RFX4: variants seen among roughly 807,000 people sequenced by gnomAD.
RFX4 encodes the protein regulatory factor X4, also known as transcription factor RFX4.
RFX4 carries 10 observed loss-of-function variants against 95.0 expected under a neutral mutation model. The ratio of observed to expected loss-of-function variants is 0.11; its 90% confidence interval spans 0.06 to 0.18. The LOEUF (loss-of-function observed/expected upper bound fraction) is 0.18, where lower values mean the gene tolerates loss of function less well. RFX4 is among the 10% of genes least tolerant of loss of function. The pLI is 1.00. For missense variants in RFX4, 640 were observed against 922.0 expected (o/e 0.69, Z 3.96); for synonymous variants, 321 against 340.7 (o/e 0.94, Z 0.64).
chr12:106,750,769 C>G lies in RFX4; in HGVS notation c.1911C>G (p.Ala637=). The change falls in exon 17 of 18, where the codon GCC becomes GCG. Residue 637 remains alanine (A), a synonymous_variant. Transcript: ENST00000392842. The part of the protein sequence containing the change: ...DTAISGPLHY[A]PYHRSSAQYP... ...CTATCTCTGGGCCACTCCACTATGC[C>G]CCTTACCACAGGAGCTCTGCACAGG... The G allele has an allele frequency of 1.2e-6, 2 of 1,605,044 alleles. No individual in the cohort carries two copies. The highest frequency in any genetic ancestry group is 1.7e-6 in the Non-Finnish European group (2 of 1,176,976).
intron 2 of RFX4, among the ~76,000 whole-genome samples, chr12:106,616,556 A>T (rs1303319282): frequency 1.3e-5 from 2 of 152,134 alleles, no homozygotes; most frequent in East Asian, 3.8e-4. Context: ...TTATTTCTTA[A>T]TTGTTTGGAA....
At chr12:106,601,049 T>C in intron 1 of RFX4, 1 of 1,112,770 alleles carries the variant, frequency 9.0e-7, no homozygotes, top group Non-Finnish European at 1.2e-6. Context: ...TCTAAATCAA[T>C]ATTTGGTAAA....
chr12:106,700,946 T>G (rs1415548381), intron 8 of RFX4, among the ~76,000 whole-genome samples: 3 of 152,222 alleles, frequency 2.0e-5, no homozygotes, highest in Non-Finnish European at 4.4e-5. Context: ...TCTGCTTTCA[T>G]TCACATGATT....
chr12:106,747,927 TAA>T (rs10624179), intron 16 of RFX4, among the ~76,000 whole-genome samples: 17 of 126,318 alleles, frequency 1.3e-4, no homozygotes, highest in Admixed American at 4.1e-4. Context: ...GACGCCGTCT[TAA>T]AAAAAAAAAA....
chr12:106,583,384 TG>T, intron 1 of RFX4, 21 bp downstream of exon 1: 7 of 1,552,896 alleles, frequency 4.5e-6, no homozygotes, highest in Admixed American at 2.1e-5. Context: ...CTGGCGGGGT[TG>T]GGGGGATACA....
In RFX4 at chr12:106,733,024, G is replaced by A. The variant is rs1302862696; in HGVS notation, c.1572G>A (p.Val524=). The change falls in exon 15 of 18, where the codon GTG becomes GTA. Residue 524 remains valine, a synonymous_variant. Coordinates refer to ENST00000392842, the MANE Select transcript of RFX4 (RefSeq NM_213594.3). ...SPAKSATSVE[V]PPPSSPVSNP... ...CAAAATCTGCCACATCTGTGGAAGTGCCACCTCCCTCTTCCCCTGTTAGCA... is the reference window on the plus strand; with the variant it reads ...CAAAATCTGCCACATCTGTGGAAGTACCACCTCCCTCTTCCCCTGTTAGCA... 6.2e-7 allele frequency: 1 copy of A among 1,614,136 alleles called. No homozygotes were observed.
At chr12:106,674,852 T>C (rs1292293777) in intron 4 of RFX4, among the ~76,000 whole-genome samples, 1 of 152,200 alleles carries the variant, frequency 6.6e-6, no homozygotes, top group Non-Finnish European at 1.5e-5. Context: ...TGCTGGTGAA[T>C]GAATCCCTGC....
intron 2 of RFX4, among the ~76,000 whole-genome samples, chr12:106,633,828 C>T (rs910467476): frequency 3.9e-5 from 6 of 152,212 alleles, no homozygotes; most frequent in African/African-American, 1.4e-4. Context: ...AGGGAGCTTC[C>T]CTGGCTCCAC....
At chr12:106,617,191 G>A (rs2040089283) in intron 2 of RFX4, among the ~76,000 whole-genome samples, 1 of 152,028 alleles carries the variant, frequency 6.6e-6, no homozygotes, top group African/African-American at 2.4e-5. Context: ...TCTTTTCAAA[G>A]GTCCAACTTT....
At chr12:106,650,469 A>C (rs944225118) in intron 3 of RFX4, among the ~76,000 whole-genome samples, 5 of 152,358 alleles carry the variant, frequency 3.3e-5, no homozygotes, top group South Asian at 2.1e-4. Context: ...GCTGTGGCTC[A>C]TGCCTGTAAT....
chr12:106,739,216 A>G (rs900952598), intron 15 of RFX4, among the ~76,000 whole-genome samples: 3 of 152,214 alleles, frequency 2.0e-5, no homozygotes, highest in Admixed American at 6.5e-5. Context: ...TCTTATTAAT[A>G]TGTGAAATTT....
intron 16 of RFX4, 137 bp downstream of exon 16, chr12:106,747,736 T>C: frequency 2.3e-6 from 2 of 851,560 alleles, no homozygotes; most frequent in South Asian, 1.7e-5. Context: ...GAGACCAGCC[T>C]GGCCAACGTG....
At chr12:106,687,180 TCTCACACACACACACACACACA>T in intron 6 of RFX4, 83 bp downstream of exon 6, 1 of 682,080 alleles carries the variant, frequency 1.5e-6, no homozygotes, top group Non-Finnish European at 2.4e-6. Flanking sequence ...TCTCTCTCTC[TCTCACACACACACACACACACA>T]CACACACACA....
intron 1 of RFX4, 190 bp downstream of exon 1, chr12:106,583,553 T>TG (rs2039405045): frequency 2.0e-6 from 1 of 495,878 alleles, no homozygotes; most frequent in African/African-American, 2.0e-5. Context: ...GAAGTATGTG[T>TG]ATAAGCGTGT....
At chr12:106,598,798 C>T (rs1245450082) in intron 1 of RFX4, among the ~76,000 whole-genome samples, 2 of 152,048 alleles carry the variant, frequency 1.3e-5, no homozygotes, top group Admixed American at 6.6e-5. Context: ...TATCAGATGC[C>T]GTGCAGAGCG....
intron 2 of RFX4, among the ~76,000 whole-genome samples, chr12:106,619,926 ATTCTTTTCTCAT>A (rs1194207121): frequency 6.6e-6 from 1 of 151,928 alleles, no homozygotes; most frequent in African/African-American, 2.4e-5. Flanking sequence ...GGTCCAATTG[ATTCTTTTCTCAT>A]AGTTTCTAAA....
intron 5 of RFX4, among the ~76,000 whole-genome samples, chr12:106,686,277 G>A (rs1194656728): frequency 6.6e-6 from 1 of 152,090 alleles, no homozygotes; most frequent in Non-Finnish European, 1.5e-5. Context: ...TGGGTGTGGT[G>A]GCACATGCCT....
At position 106,645,052 on chromosome 12, in the gene RFX4, A is replaced by G. The variant is rs59039183; in HGVS notation, c.191+5660A>G. On this transcript the variant is annotated intron_variant, in intron 3 of 17. Transcript: ENST00000392842. ...ACAAACCCCCTCCCCCTCCCCCTAG[A>G]ACAAATAACACCGCTCTAAGAACAA... Among the ~76,000 whole-genome samples, 504 of 151,828 alleles carry G rather than the reference A, an allele frequency of 3.3e-3. 6 individuals are homozygous for G. The highest frequency in any genetic ancestry group is 0.012 in the African/African-American group (487 of 41,384).
rs1252736331 is a variant in RFX4, at chr12:106,586,922, C to T, written c.43+3559C>T. 1.3e-5 allele frequency among the ~76,000 whole-genome samples: 2 copies of T among 152,184 alleles called. No individual in the cohort carries two copies. The highest frequency in any genetic ancestry group is 2.9e-5 in the Non-Finnish European group (2 of 68,028). On this transcript the variant is annotated intron_variant, in intron 1 of 17. Coordinates refer to ENST00000392842, the MANE Select transcript of RFX4 (RefSeq NM_213594.3). The surrounding 1 kb of genome is among the most constrained non-coding windows in gnomAD (Gnocchi z 5.6). Reference sequence around the variant, plus strand: ...CTTGGGAGAGCAAGGAGCCGGAGGTCCGAGCCTTGCTCCAGCGCCCAAACC... The same window carrying T: ...CTTGGGAGAGCAAGGAGCCGGAGGTTCGAGCCTTGCTCCAGCGCCCAAACC...
Sources: gnomAD v4.1 joint callset for allele counts (sites outside exome capture counted in the v4.1 genomes callset) on GRCh38, gnomAD v4.1.1 for gene constraint, Gnocchi (gnomAD v3.1) non-coding constraint, MANE v1.5 for transcripts, NCBI Gene and HGNC (gene_info 2026-07-23, HGNC 2026-07-21) for gene names.